FIGN: variants seen among roughly 807,000 people sequenced by gnomAD.
FIGN encodes fidgetin.
In FIGN, 11 loss-of-function variants were observed where a neutral mutation model predicts 51.3. That is an observed-to-expected ratio of 0.21 (90% CI 0.13 to 0.35). FIGN has a LOEUF of 0.35. FIGN is among the 10% of genes least tolerant of loss of function. The pLI is 1.00. For synonymous variants in FIGN, 407 were observed against 363.2 expected (o/e 1.12, Z -1.37); for missense variants, 857 against 943.6 (o/e 0.91, Z 1.20).
chr2:163,612,749 C>CATATAT (rs10592741), intron 2 of FIGN, among the ~76,000 whole-genome samples: 13 of 139,224 alleles, frequency 9.3e-5, no homozygotes, highest in Non-Finnish European at 1.5e-4. Flanking sequence ...TATACATCTT[C>CATATAT]ATATATATAT....
chr2:163,617,158 T>C (rs1682892015), intron 2 of FIGN: 1 of 985,178 alleles, frequency 1.0e-6, no homozygotes, highest in African/African-American at 1.7e-5. Context: ...CCGATCATTC[T>C]TGGCTTTAAA....
intron 2 of FIGN, among the ~76,000 whole-genome samples, chr2:163,715,010 T>C (rs1684647069): frequency 6.6e-6 from 1 of 152,252 alleles, no homozygotes; most frequent in Admixed American, 6.5e-5. Context: ...GTGTGCTTCC[T>C]TTCAACCAAA....
At position 163,606,480 on chromosome 2, in the gene FIGN, A is replaced by G. The variant is rs1346487493; in HGVS notation, c.*3072T>C. On this transcript the variant is annotated 3_prime_UTR_variant, in exon 3 of 3. Coordinates refer to ENST00000333129, the MANE Select transcript of FIGN (RefSeq NM_018086.4). ...AGTGAGGGATTTGGACTGGCTCATT[A>G]CCTTACCTTCATTAATAGCCTTCTC... The G allele has an allele frequency of 6.6e-6, 1 of 152,138 alleles. No homozygotes were observed. Among genetic ancestry groups the G allele is most frequent in the Non-Finnish European group, 1.5e-5 (1 of 68,056 alleles). 9.4% of individuals were successfully genotyped at this position (152,138 alleles called of 1,614,324 possible). A position where few individuals can be genotyped will look rare whatever the true frequency, so the allele number is the denominator to read the frequency against.
At chr2:163,634,852 T>C (rs1683201587) in intron 2 of FIGN, among the ~76,000 whole-genome samples, 2 of 152,182 alleles carry the variant, frequency 1.3e-5, no homozygotes, top group South Asian at 4.1e-4. Flanking sequence ...TGAAAACTGT[T>C]TGTTTATGTG....
intron 2 of FIGN, among the ~76,000 whole-genome samples, chr2:163,646,330 C>G (rs115915207): frequency 0.011 from 1,650 of 152,112 alleles, 21 homozygotes; most frequent in African/African-American, 0.034. Flanking sequence ...ACAATTGCTG[C>G]CATGTCACTA....
rs1684226138 is a variant in FIGN, at chr2:163,690,659, T to G, written c.25+44244A>C. Among the ~76,000 whole-genome samples, 5 of 152,120 alleles carry G rather than the reference T, an allele frequency of 3.3e-5. No homozygotes were observed. The South Asian group carries it at 8.3e-4, about 25-fold the overall frequency. ...GATATATGTAAATATTAAAGAAGTC[T>G]GAATTATGTAATCTAGAGAAGTAAA... On this transcript the variant is annotated intron_variant, in intron 2 of 2. Coordinates refer to ENST00000333129, the MANE Select transcript of FIGN (RefSeq NM_018086.4).
At chr2:163,724,618 A>T (rs1684811930) in intron 2 of FIGN, among the ~76,000 whole-genome samples, 1 of 152,172 alleles carries the variant, frequency 6.6e-6, no homozygotes, top group African/African-American at 2.4e-5. Context: ...TTCTAAAACC[A>T]ATTCAAAGTA....
Position 163,604,936 on chromosome 2 carries a change from C to CTTTTTTTTTTTTT in FIGN, c.*4603_*4615dup, listed in dbSNP as rs71410075. 7.8e-3 allele frequency: 732 copies of CTTTTTTTTTTTTT among 94,218 alleles called. 8 individuals are homozygous for CTTTTTTTTTTTTT. Among genetic ancestry groups the CTTTTTTTTTTTTT allele is most frequent in the East Asian group, 0.011 (27 of 2,540 alleles). 5.8% of individuals were successfully genotyped at this position (94,218 alleles called of 1,614,324 possible). On this transcript the variant is annotated 3_prime_UTR_variant, in exon 3 of 3. Transcript: ENST00000333129. ...TTTTAAGCCCAGAAATAAACTTTTG[C>CTTTTTTTTTTTTT]TTTTTTTTTTTTTTTTTTTGTATCA...
chr2:163,686,118 A>G (rs1435128082), intron 2 of FIGN, among the ~76,000 whole-genome samples: 3 of 152,246 alleles, frequency 2.0e-5, no homozygotes, highest in Non-Finnish European at 4.4e-5. Flanking sequence ...AAATGGTGTC[A>G]TAACATTTTT....
intron 2 of FIGN, among the ~76,000 whole-genome samples, chr2:163,698,572 AACAC>A (rs1196183549): frequency 3.3e-5 from 5 of 152,170 alleles, no homozygotes; most frequent in Non-Finnish European, 5.9e-5. Context: ...TACAGAGTAG[AACAC>A]CACCTTCCCT....
At chr2:163,662,836 T>C (rs1683711332) in intron 2 of FIGN, among the ~76,000 whole-genome samples, 2 of 152,206 alleles carry the variant, frequency 1.3e-5, no homozygotes, top group Admixed American at 6.5e-5. Context: ...ATTGTGATAG[T>C]GAATTAAGTC....
intron 2 of FIGN, among the ~76,000 whole-genome samples, chr2:163,641,668 G>A (rs537153779): frequency 5.3e-5 from 8 of 152,336 alleles, no homozygotes; most frequent in African/African-American, 1.2e-4. Context: ...AATCCGATGC[G>A]GAAGAAGAAA....
At chr2:163,621,758 C>G (rs534178075) in intron 2 of FIGN, among the ~76,000 whole-genome samples, 1 of 152,084 alleles carries the variant, frequency 6.6e-6, no homozygotes, top group African/African-American at 2.4e-5. Flanking sequence ...CAGTCATTAG[C>G]GCGGTTGGCT....
chr2:163,673,300 A>C (rs1318531471), intron 2 of FIGN, among the ~76,000 whole-genome samples: 2 of 152,130 alleles, frequency 1.3e-5, no homozygotes, highest in African/African-American at 4.8e-5. Flanking sequence ...AAAGCTATAG[A>C]AACAGGTTTC....
intron 2 of FIGN, among the ~76,000 whole-genome samples, chr2:163,625,287 AT>A (rs1159279247): frequency 6.6e-6 from 1 of 152,078 alleles, no homozygotes; most frequent in African/African-American, 2.4e-5. Context: ...TGGCATTTCT[AT>A]CACTAAGCTA....
chr2:163,647,815 T>G (rs1683406105), intron 2 of FIGN, among the ~76,000 whole-genome samples: 1 of 152,202 alleles, frequency 6.6e-6, no homozygotes, highest in Non-Finnish European at 1.5e-5. Context: ...TGTATATGTA[T>G]GTATGTGTAA....
At position 163,610,462 on chromosome 2, in the gene FIGN, A is replaced by G; in HGVS notation, c.1370T>C (p.Val457Ala). Residue 457 changes from valine to alanine, a missense_variant, in exon 3 of 3, where the codon GTG (valine) becomes GCG (alanine). Transcript: ENST00000333129. ...LRAATSSNHS[V>A]DEQLKNTDTH... ...GTCAGTATTCTTCAGTTGCTCGTCC[A>G]CAGAGTGGTTGGATGAGGTAGCTGC... 3.1e-6 allele frequency: 5 copies of G among 1,614,142 alleles called. No individual in the cohort carries two copies. In the South Asian group the frequency reaches 4.4e-5, roughly 14 times the overall value.
In FIGN at chr2:163,730,884, C is replaced by T. The variant is rs140904561; in HGVS notation, c.25+4019G>A. 4.0e-3 allele frequency among the ~76,000 whole-genome samples: 608 copies of T among 152,210 alleles called. 5 individuals carry two copies. Among genetic ancestry groups the T allele is most frequent in the African/African-American group, 0.014 (571 of 41,550 alleles). On this transcript the variant is annotated intron_variant, in intron 2 of 2. Coordinates refer to ENST00000333129, the MANE Select transcript of FIGN (RefSeq NM_018086.4). ...GTAATTAAATTTATTTGCTCTTCAA[C>T]AATGAACACAGTACTTTATAAAGAG...
intron 2 of FIGN, among the ~76,000 whole-genome samples, chr2:163,624,710 T>TATATA (rs57025851): frequency 1.2e-3 from 140 of 117,748 alleles, no homozygotes; most frequent in Middle Eastern, 4.1e-3. Flanking sequence ...ATATATATAT[T>TATATA]TTTTTTTTTC....
Sources: allele counts gnomAD v4.1 joint callset (sites outside exome capture counted in the v4.1 genomes callset), GRCh38; gene constraint gnomAD v4.1.1; transcripts MANE v1.5; gene names NCBI Gene and HGNC (gene_info 2026-07-23, HGNC 2026-07-21).